Variants in LMNA observed in about 807,000 individuals in gnomAD.
The protein encoded by LMNA is lamin A/C, also known as lamin.
In LMNA, 20 loss-of-function variants were observed where a neutral mutation model predicts 70.4. The observed-to-expected ratio is 0.28, with a 90% confidence interval of 0.20 to 0.41. LMNA has a LOEUF of 0.41. Ranked by LOEUF, LMNA falls within the 10% of genes least tolerant of loss-of-function variation. LMNA has a pLI of 1.00. For synonymous variants in LMNA, 339 were observed against 372.8 expected (o/e 0.91, Z 1.04); for missense variants, 652 against 917.2 (o/e 0.71, Z 3.73).
At chr1:156,107,470 TAAAG>T (rs1649393168) in intron 3 of LMNA, among the ~76,000 whole-genome samples, 1 of 152,174 alleles carries the variant, frequency 6.6e-6, no homozygotes, top group Admixed American at 6.5e-5. Context: ...ATTCCACTTA[TAAAG>T]AAAGGGGCTT....
chr1:156,126,629 G>A, intron 1 of LMNA: 2 of 1,111,200 alleles, frequency 1.8e-6, no homozygotes, highest in Non-Finnish European at 2.7e-6. Context: ...CAGCTCTTCA[G>A]ACCCCTGCCT....
At position 156,139,130 on chromosome 1, in the gene LMNA, G is replaced by A. The variant is rs745421199; in HGVS notation, c.*24G>A. The A allele has an allele frequency of 1.6e-5, 26 of 1,613,504 alleles. No homozygotes were observed. The highest frequency in any genetic ancestry group is 2.2e-5 in the Non-Finnish European group (26 of 1,179,932). ...AATCTGGGACCTGCCAGGCAGGGGT[G>A]GGGGTGGAGGCTTCCTGCGTCCTCC... On this transcript the variant is annotated 3_prime_UTR_variant, in exon 12 of 12. Coordinates refer to ENST00000368300, the MANE Select transcript of LMNA (RefSeq NM_170707.4).
rs193922724 is a variant in LMNA, at chr1:156,130,597, C to T, written c.357-20C>T. The T allele has an allele frequency of 4.5e-5, 73 of 1,613,488 alleles. No individual in the cohort carries two copies. The highest frequency in any genetic ancestry group is 2.0e-4 in the Admixed American group (12 of 60,034). On this transcript the variant is annotated intron_variant, in intron 1 of 11. Transcript: ENST00000368300. ...ACACAGACTCCTTCTCTTAAATCTACTCTCCCCTCTCTTCTTTAGCAATAC... is the reference window on the plus strand; with the variant it reads ...ACACAGACTCCTTCTCTTAAATCTATTCTCCCCTCTCTTCTTTAGCAATAC...
intron 3 of LMNA, among the ~76,000 whole-genome samples, chr1:156,093,216 G>A (rs541237698): frequency 6.6e-6 from 1 of 150,890 alleles, no homozygotes; most frequent in African/African-American, 2.4e-5. Context: ...CAGGGCTTTG[G>A]CCTGTGCTAT....
chr1:156,131,101 C>T (rs1450686197), intron 2 of LMNA, among the ~76,000 whole-genome samples: 1 of 152,046 alleles, frequency 6.6e-6, no homozygotes, highest in Non-Finnish European at 1.5e-5. Context: ...GAAACCCCGT[C>T]TCTACTAAAA....
At position 156,114,939 on chromosome 1, in the gene LMNA, G is replaced by A; in HGVS notation, c.21G>A (p.Arg7=). ...CGGCCATGGAGACCCCGTCCCAGCG[G>A]CGCGCCACCCGCAGCGGGGCGCAGG... METPSQ[R]RATRSGAQAS... Residue 7 remains arginine (R), a synonymous_variant, in exon 1 of 12, where the codon CGG becomes CGA. Transcript: ENST00000368300. 6.4e-7 allele frequency: 1 copy of A among 1,564,702 alleles called. No homozygotes were observed.
chr1:156,134,555 G>T lies in LMNA; in HGVS notation c.639+27G>T. 1 of 1,613,166 alleles carries T rather than the reference G, an allele frequency of 6.2e-7. No homozygotes were observed. The highest frequency in any genetic ancestry group is 8.5e-7 in the Non-Finnish European group (1 of 1,179,956). On this transcript the variant is annotated intron_variant, in intron 3 of 11. Coordinates refer to ENST00000368300, the MANE Select transcript of LMNA (RefSeq NM_170707.4). This position sits in a 1 kb window ranked among gnomAD's most constrained non-coding sequence, Gnocchi z 5.3. Reference sequence around the variant, plus strand: ...TGGGGACTGTGCTTTGCAAGCCAGAGGGCTGGGGCTGGGTGATGACAGACT... The same window carrying T: ...TGGGGACTGTGCTTTGCAAGCCAGATGGCTGGGGCTGGGTGATGACAGACT...
intron 2 of LMNA, among the ~76,000 whole-genome samples, chr1:156,132,422 A>G (rs1043402640): frequency 6.6e-6 from 1 of 152,158 alleles, no homozygotes; most frequent in African/African-American, 2.4e-5. Flanking sequence ...GTGAGCCAAG[A>G]TCGGGTCACA....
At chr1:156,094,535 T>C (rs1648839596) in intron 3 of LMNA, among the ~76,000 whole-genome samples, 1 of 151,936 alleles carries the variant, frequency 6.6e-6, no homozygotes, top group Non-Finnish European at 1.5e-5. Context: ...GACAGGGTTT[T>C]ACCATATTGG....
rs1337375663 is a variant in LMNA at position 156,114,942 on chromosome 1, C to A, written c.24C>A (p.Arg8=). Residue 8 remains arginine (R), a synonymous_variant, in exon 1 of 12, where the codon CGC becomes CGA. Coordinates refer to ENST00000368300, the MANE Select transcript of LMNA (RefSeq NM_170707.4). ...CCATGGAGACCCCGTCCCAGCGGCG[C>A]GCCACCCGCAGCGGGGCGCAGGCCA... The part of the protein sequence containing the change: METPSQR[R]ATRSGAQASS... The A allele has an allele frequency of 6.4e-7, 1 of 1,566,844 alleles. No homozygotes were observed. The highest frequency in any genetic ancestry group is 1.8e-5 in the Admixed American group (1 of 54,638).
At chr1:156,086,408 C>CAT (rs1648476777) in intron 2 of LMNA, among the ~76,000 whole-genome samples, 1 of 152,084 alleles carries the variant, frequency 6.6e-6, no homozygotes, top group Non-Finnish European at 1.5e-5. Context: ...CTCTCTCTCT[C>CAT]TCTCTCTCTC....
At chr1:156,108,764 C>CA (rs796126277) in intron 3 of LMNA, among the ~76,000 whole-genome samples, 4,011 of 141,838 alleles carry the variant, frequency 0.028, 127 homozygotes, top group African/African-American at 0.083. Flanking sequence ...AACTCCATCT[C>CA]AAAAAAAAAA....
rs748811549 is a variant in LMNA at position 156,138,439 on chromosome 1, G to A, written c.1699-49G>A. The A allele has an allele frequency of 2.6e-5, 42 of 1,586,848 alleles. No homozygotes were observed. Among genetic ancestry groups the A allele is most frequent in the Non-Finnish European group, 3.4e-5 (40 of 1,166,102 alleles). On this transcript the variant is annotated intron_variant, in intron 10 of 11. Transcript: ENST00000368300. This position sits in a 1 kb window ranked among gnomAD's most constrained non-coding sequence, Gnocchi z 5.5. The stretch of plus-strand genomic sequence containing the variant: ...GCCTGGAGCCTGGTTGGGCCTGAGT[G>A]GTCAGTCCCAGACTCGCCGTCCCGC...
At chr1:156,098,751 A>G (rs1030550461) in intron 3 of LMNA, among the ~76,000 whole-genome samples, 3 of 152,132 alleles carry the variant, frequency 2.0e-5, no homozygotes, top group African/African-American at 7.2e-5. Flanking sequence ...CAGGGAAGGC[A>G]AGTCATGTCT....
Position 156,103,208 on chromosome 1 carries a change from C to T in LMNA, c.-206-11505C>T, listed in dbSNP as rs1649200174. 1.3e-5 allele frequency among the ~76,000 whole-genome samples: 2 copies of T among 152,190 alleles called. No homozygotes were observed. The highest frequency in any genetic ancestry group is 4.8e-5 in the African/African-American group (2 of 41,442). ...GGGCTCTAGGAACCTCCTTCCTGCC[C>T]CCACAGCTTCCTCTTTGTGTCCTGC... On this transcript the variant is annotated intron_variant, in intron 3 of 12. Transcript: ENST00000368301. The surrounding 1 kb of genome is among the most constrained non-coding windows in gnomAD (Gnocchi z 4.7).
chr1:156,133,999 A>C (rs1298457611), intron 2 of LMNA, among the ~76,000 whole-genome samples: 1 of 151,074 alleles, frequency 6.6e-6, no homozygotes, highest in African/African-American at 2.5e-5. Flanking sequence ...CAGAGAAGGG[A>C]GTCCTGTGGC....
intron 3 of LMNA, among the ~76,000 whole-genome samples, chr1:156,104,012 C>G (rs980824574): frequency 6.6e-6 from 1 of 152,250 alleles, no homozygotes; most frequent in Non-Finnish European, 1.5e-5. Context: ...TGGCTCCCCC[C>G]TTCACAGCCC....
At chr1:156,091,534 A>G (rs1048668859) in intron 3 of LMNA, among the ~76,000 whole-genome samples, 2 of 152,124 alleles carry the variant, frequency 1.3e-5, no homozygotes, top group Admixed American at 1.3e-4. Flanking sequence ...CCTGGGAGAC[A>G]GAGGTTGCGG....
intron 1 of LMNA, chr1:156,127,055 C>A: frequency 1.2e-6 from 1 of 805,634 alleles, no homozygotes; most frequent in Non-Finnish European, 1.9e-6. Flanking sequence ...AGCACGGGGA[C>A]GGCACTCAGC....
Sources: allele counts gnomAD v4.1 joint callset (sites outside exome capture counted in the v4.1 genomes callset), GRCh38; gene constraint gnomAD v4.1.1; non-coding constraint Gnocchi (gnomAD v3.1); transcripts MANE v1.5; gene names NCBI Gene and HGNC (gene_info 2026-07-23, HGNC 2026-07-21).